Variants in OVCH2 observed in about 807,000 individuals in gnomAD.
The protein encoded by OVCH2 is ovochymase 2, also known as ovochymase-2.
In OVCH2, 88 loss-of-function variants were observed where a neutral mutation model predicts 73.7. The ratio of observed to expected loss-of-function variants is 1.19; its 90% CI spans 1.01 to 1.43. The LOEUF (loss-of-function observed/expected upper bound fraction) is 1.43, where lower values mean the gene tolerates loss of function less well. Ranked by LOEUF, OVCH2 falls within the 40% of genes most tolerant of loss-of-function variation. The pLI is 0.00. For synonymous variants in OVCH2, 265 were observed against 234.5 expected (o/e 1.13, Z -1.19); for missense variants, 706 against 674.5 (o/e 1.05, Z -0.52).
chr11:7,706,368 A>T lies in OVCH2; in HGVS notation c.27T>A (p.Ile9=). The change falls in exon 1 of 16, where the codon ATT becomes ATA. Residue 9 remains isoleucine (I), a synonymous_variant. Transcript: ENST00000533663. The stretch of plus-strand genomic sequence containing the variant: ...CAAAAAAGACTATTCCTAGTAGTAA[A>T]ATCAGCTTGTTCCTGCTTATAAGCA... MLISRNKL[I]LLLGIVFFER... 6.3e-7 allele frequency: 1 copy of T among 1,584,562 alleles called. No individual in the cohort carries two copies. Among genetic ancestry groups the T allele is most frequent in the Non-Finnish European group, 8.6e-7 (1 of 1,163,498 alleles).
intron 6 of OVCH2, 109 bp downstream of exon 6, chr11:7,701,215 A>G: frequency 7.4e-7 from 1 of 1,352,458 alleles, no homozygotes; most frequent in Non-Finnish European, 9.8e-7. Flanking sequence ...TACCCCTCCA[A>G]TATGCTTTCT....
chr11:7,691,713 G>A (rs903758632), intron 13 of OVCH2, among the ~76,000 whole-genome samples, 189 bp downstream of exon 13: 39 of 152,086 alleles, frequency 2.6e-4, no homozygotes, highest in African/African-American at 9.4e-4. Flanking sequence ...TGTTTCAGTG[G>A]TTCTTTGATT....
chr11:7,696,702 T>C lies in OVCH2; in HGVS notation c.1016+7A>G, dbSNP rs751093156. 2.5e-6 allele frequency: 4 copies of C among 1,604,874 alleles called. No homozygotes were observed. The South Asian group carries it at 4.4e-5, about 18-fold the overall frequency. ...TAAGGAGGAGGAGTACAAAGGGGGT[T>C]ACTCACTGCTTGCTCTCATAATATA... On this transcript the variant is annotated splice_region_variant and intron_variant, in intron 9 of 15. Transcript: ENST00000533663.
chr11:7,684,326 G>C, the OVCH2 span, among the ~76,000 whole-genome samples: 43 of 152,008 alleles, frequency 2.8e-4, no homozygotes, highest in Admixed American at 2.8e-3. Flanking sequence ...GCCTCTTGTT[G>C]AGTCGGGAAC....
At chr11:7,699,037 A>G in intron 7 of OVCH2, 1 of 414,558 alleles carries the variant, frequency 2.4e-6, no homozygotes. Flanking sequence ...GGGTCATTTT[A>G]CATAAGAACA....
chr11:7,702,040 C>T, intron 4 of OVCH2, 117 bp downstream of exon 4: 3 of 992,046 alleles, frequency 3.0e-6, no homozygotes. Context: ...GACTCTCCAG[C>T]CTAAATTCCT....
intron 6 of OVCH2, among the ~76,000 whole-genome samples, 177 bp from the exon 7 acceptor site, chr11:7,700,662 A>G (rs1219120869): frequency 6.6e-6 from 1 of 152,178 alleles, no homozygotes; most frequent in Non-Finnish European, 1.5e-5. Context: ...ATCCTCAACT[A>G]TCACTGGAAC....
intron 6 of OVCH2, 130 bp from the exon 7 acceptor site, chr11:7,700,615 G>GA: frequency 9.5e-7 from 1 of 1,055,084 alleles, no homozygotes; most frequent in Non-Finnish European, 1.3e-6. Context: ...TAGACTCAGG[G>GA]TCCTGTGTAT....
chr11:7,702,855 C>A (rs951898331), intron 3 of OVCH2, among the ~76,000 whole-genome samples: 5 of 152,186 alleles, frequency 3.3e-5, no homozygotes, highest in Non-Finnish European at 7.4e-5. Context: ...AGCTTGCCAT[C>A]CTTTGAGACG....
chr11:7,698,842 A>T (rs1255139377), intron 7 of OVCH2, 69 bp from the exon 8 acceptor site: 2 of 1,523,206 alleles, frequency 1.3e-6, no homozygotes, highest in East Asian at 4.5e-5. Context: ...AGAAGTTAGC[A>T]TCTTCTTGGC....
chr11:7,703,833 G>A, intron 2 of OVCH2, 44 bp from the exon 3 acceptor site: 2 of 1,481,746 alleles, frequency 1.3e-6, no homozygotes, highest in Non-Finnish European at 1.9e-6. Flanking sequence ...CATGCCCTGG[G>A]ATCCCCCTAA....
chr11:7,687,055 T>G (rs1263869477), downstream of OVCH2, among the ~76,000 whole-genome samples: 1 of 152,072 alleles, frequency 6.6e-6, no homozygotes, highest in Admixed American at 6.6e-5. Context: ...CTGCTATAGT[T>G]TTTTGGACTT....
rs754834754 is a variant in OVCH2, at chr11:7,702,331, T to C, written c.291-2A>G. ...ACATTCAAAGTAGACACAATGTTTC[T>C]ATGGAAAGCAAAGAGTAAAATGAAT... On this transcript the variant is annotated splice_acceptor_variant, in intron 3 of 15. Transcript: ENST00000533663. LOFTEE classifies it high-confidence loss of function. 8 of 1,582,684 alleles carry C rather than the reference T, an allele frequency of 5.1e-6. No homozygotes were observed. The South Asian group carries it at 9.4e-5, about 19-fold the overall frequency.
chr11:7,705,595 A>G (rs1391936012), intron 1 of OVCH2: 1 of 152,212 alleles, frequency 6.6e-6, no homozygotes, highest in African/African-American at 2.4e-5. Flanking sequence ...CACATTGCAG[A>G]TGAGAAAACT....
downstream of OVCH2, among the ~76,000 whole-genome samples, chr11:7,687,890 G>A (rs1856160130): frequency 1.3e-5 from 2 of 152,044 alleles, no homozygotes; most frequent in African/African-American, 4.8e-5. Context: ...TCCTCACAAA[G>A]GGGAGAGTAG....
chr11:7,679,913 C>G, the OVCH2 span, among the ~76,000 whole-genome samples: 4 of 152,180 alleles, frequency 2.6e-5, no homozygotes, highest in African/African-American at 9.7e-5. Context: ...TAGCTGAACA[C>G]GTGGAGGTCC....
At position 7,700,334 on chromosome 11, in the gene OVCH2, C is replaced by T. The variant is rs1025874861; in HGVS notation, c.863G>A (p.Ser288Asn). The T allele has an allele frequency of 6.2e-7, 1 of 1,613,878 alleles. No individual in the cohort carries two copies. Among genetic ancestry groups the T allele is most frequent in the Non-Finnish European group, 8.5e-7 (1 of 1,179,846 alleles). Residue 288 changes from serine to asparagine, a missense_variant, in exon 7 of 16, where the codon AGT (serine) becomes AAT (asparagine). Physicochemically the swap from Ser to Asn is conservative, Grantham distance 46. Coordinates refer to ENST00000533663, the MANE Select transcript of OVCH2 (RefSeq NM_198185.7). ...TTCGTGGATCCAGGGAAGCACTTTA[C>T]TAATGTCTGTGAAGATCCCAGGGGA... is the stretch of plus-strand genomic sequence containing the variant. ...QGSPGIFTDI[S>N]KVLPWIHEHI...
chr11:7,699,995 A>T lies in OVCH2; in HGVS notation c.901+301T>A, dbSNP rs573625955. ...TAATGGTGAGCACTCTGGACTCTGA[A>T]TCCAGAGAAGTAAGTGGTGAAAGCA... On this transcript the variant is annotated intron_variant, in intron 7 of 15. Transcript: ENST00000533663. 805 of 293,508 alleles carry T rather than the reference A, an allele frequency of 2.7e-3. 4 individuals are homozygous for T. Among genetic ancestry groups the T allele is most frequent in the Non-Finnish European group, 4.3e-3 (670 of 157,392 alleles). 18.2% of individuals were successfully genotyped at this position (293,508 alleles called of 1,614,324 possible).
the OVCH2 span, among the ~76,000 whole-genome samples, chr11:7,683,192 G>A: frequency 6.6e-6 from 1 of 152,226 alleles, no homozygotes; most frequent in Admixed American, 6.5e-5. Flanking sequence ...ATATCCAACT[G>A]CCCACTTGAC....
Sources: gnomAD v4.1 joint callset for allele counts (sites outside exome capture counted in the v4.1 genomes callset) on GRCh38, gnomAD v4.1.1 for gene constraint, MANE v1.5 for transcripts, NCBI Gene and HGNC (gene_info 2026-07-23, HGNC 2026-07-21) for gene names.